Variants in GBP3 observed in about 807,000 individuals in gnomAD.
GBP3 encodes guanylate binding protein 3, also known as guanylate-binding protein 3.
In GBP3, 55 loss-of-function variants were observed where a neutral mutation model predicts 62.4. The observed-to-expected ratio is 0.88, with a 90% CI of 0.71 to 1.10. The LOEUF (loss-of-function observed/expected upper bound fraction) is 1.10, where lower values mean the gene tolerates loss of function less well. Among genes scored for constraint, GBP3 ranks in the 50% least tolerant of loss-of-function variants. GBP3 has a pLI of 0.00. For synonymous variants in GBP3, 208 were observed against 259.2 expected, an observed-to-expected ratio of 0.80 and a Z score of 1.90; for missense variants, 605 against 690.6, an observed-to-expected ratio of 0.88 and a Z score of 1.39.
At chr1:89,020,098 G>C (rs1234575938) in intron 2 of GBP3, 1 of 260,920 alleles carries the variant, frequency 3.8e-6, no homozygotes. Flanking sequence ...AATTAGCTGG[G>C]TGTGGTGGCA....
chr1:89,020,037 T>A (rs939707002), intron 2 of GBP3: 2 of 195,242 alleles, frequency 1.0e-5, no homozygotes, highest in Admixed American at 1.1e-4. Context: ...CCCAGGAGCT[T>A]GAGACCTGCA....
At chr1:89,008,797 T>A in intron 10 of GBP3, 150 bp downstream of exon 10, 1 of 1,447,648 alleles carries the variant, frequency 6.9e-7, no homozygotes, top group South Asian at 1.4e-5. Context: ...AGTGGCCATT[T>A]CAAGTCAGAC....
chr1:89,021,377 G>A (rs1679180803), intron 1 of GBP3, among the ~76,000 whole-genome samples: 1 of 152,058 alleles, frequency 6.6e-6, no homozygotes, highest in Admixed American at 6.6e-5. Flanking sequence ...GCTTTGAAGG[G>A]GCACGTGCAA....
intron 2 of GBP3, among the ~76,000 whole-genome samples, chr1:89,015,771 G>A (rs1437672631): frequency 1.4e-5 from 2 of 146,750 alleles, no homozygotes; most frequent in Non-Finnish European, 3.0e-5. Context: ...AAAAAAGAGG[G>A]ATAGAGAAAC....
At chr1:89,007,926 G>T in intron 10 of GBP3, 74 bp from the exon 11 acceptor site, 2 of 1,380,680 alleles carry the variant, frequency 1.4e-6, no homozygotes, top group Non-Finnish European at 2.0e-6. Context: ...GTTTCCACAT[G>T]CATTGATTTA....
In GBP3 at chr1:89,007,161, A is replaced by T. The variant is rs1411702365; in HGVS notation, c.*563T>A. On this transcript the variant is annotated 3_prime_UTR_variant, in exon 11 of 11. Coordinates refer to ENST00000370481, the MANE Select transcript of GBP3 (RefSeq NM_018284.3). The stretch of plus-strand genomic sequence containing the variant: ...TCATTAGCCAATTTGTTTATGATTC[A>T]ATTCCTACTCTTGCTAATGATTTCT... The T allele has an allele frequency of 6.6e-6, 1 of 152,250 alleles. No homozygotes were observed. The highest frequency in any genetic ancestry group is 1.5e-5 in the Non-Finnish European group (1 of 68,044). The allele number at this position is 152,250 out of a possible 1,614,324, so 9.4% of individuals were successfully genotyped here.
At chr1:89,008,810 A>G in intron 10 of GBP3, 137 bp downstream of exon 10, 1 of 1,479,118 alleles carries the variant, frequency 6.8e-7, no homozygotes, top group Non-Finnish European at 9.0e-7. Context: ...AGTCAGACAG[A>G]CAGAAACAAG....
rs141293173 is a variant in GBP3 at position 89,014,600 on chromosome 1, A to G, written c.375T>C (p.Thr125=). The change falls in exon 4 of 11, where the codon ACT becomes ACC. Residue 125 remains threonine, a synonymous_variant. Transcript: ENST00000370481. ...TGGTTCCCATGCTATTGTACACGAG[A>G]GTGCTGCTCAGGAGGACGGCCAGGG... The part of the protein sequence containing the change: ...IFTLAVLLSS[T]LVYNSMGTIN... 1.8e-3 allele frequency: 2,843 copies of G among 1,614,014 alleles called. 6 individuals are homozygous for G. The highest frequency in any genetic ancestry group is 2.2e-3 in the South Asian group (198 of 91,074).
rs546335133 is a variant in GBP3, at chr1:89,006,872, A to C, written c.*852T>G. 2 of 152,370 alleles carry C rather than the reference A, an allele frequency of 1.3e-5. No individual in the cohort carries two copies. Among genetic ancestry groups the C allele is most frequent in the African/African-American group, 4.8e-5 (2 of 41,602 alleles). 9.4% of individuals were successfully genotyped at this position (152,370 alleles called of 1,614,324 possible). A position where few individuals can be genotyped will look rare whatever the true frequency, so the allele number is the denominator to read the frequency against. ...ATTCCCTTTGGGGAAAATTGGCAGG[A>C]TTTCAAGTATGACCTTTAAGAATCA... is the stretch of plus-strand genomic sequence containing the variant. On this transcript the variant is annotated 3_prime_UTR_variant, in exon 11 of 11. Coordinates refer to ENST00000370481, the MANE Select transcript of GBP3 (RefSeq NM_018284.3).
chr1:89,015,627 T>C (rs758503873), intron 2 of GBP3, among the ~76,000 whole-genome samples: 1 of 148,442 alleles, frequency 6.7e-6, no homozygotes, highest in Non-Finnish European at 1.5e-5. Context: ...ATCAACAAAT[T>C]AGAAATAGAA....
Position 89,021,510 on chromosome 1 carries a change from G to GCGCGCGCACACACACA in GBP3, c.-22-768_-22-767insTGTGTGTGTGCGCGCG, listed in dbSNP as rs751639388. Reference sequence around the variant, plus strand: ...CTAAGAAACACGCATGCGCGCGCGCGCACACACACACACACACACACACAC... The same window carrying GCGCGCGCACACACACA: ...CTAAGAAACACGCATGCGCGCGCGCGCGCGCGCACACACACACACACACACACACACACACACACAC... On this transcript the variant is annotated intron_variant, in intron 1 of 10. Transcript: ENST00000370481. 1.7e-3 allele frequency among the ~76,000 whole-genome samples: 225 copies of GCGCGCGCACACACACA among 131,722 alleles called. 2 individuals are homozygous for GCGCGCGCACACACACA. The highest frequency in any genetic ancestry group is 6.3e-3 in the African/African-American group (210 of 33,276). 86.4% of individuals were successfully genotyped at this position (131,722 alleles called of 152,430 possible).
chr1:89,021,505 C>T lies in GBP3; in HGVS notation c.-22-762G>A, dbSNP rs529024806. Among the ~76,000 whole-genome samples, 10 of 90,282 alleles carry T rather than the reference C, an allele frequency of 1.1e-4. No individual in the cohort carries two copies. In the East Asian group the frequency reaches 1.7e-3, roughly 15 times the overall value. 59.2% of individuals were successfully genotyped at this position (90,282 alleles called of 152,430 possible). A position where few individuals can be genotyped will look rare whatever the true frequency, so the allele number is the denominator to read the frequency against. ...TGTTGCTAAGAAACACGCATGCGCG[C>T]GCGCGCACACACACACACACACACA... On this transcript the variant is annotated intron_variant, in intron 1 of 10. Transcript: ENST00000370481.
At chr1:89,009,925 A>G (rs554877885) in intron 8 of GBP3, among the ~76,000 whole-genome samples, 19 of 152,244 alleles carry the variant, frequency 1.2e-4, no homozygotes, top group African/African-American at 4.3e-4. Flanking sequence ...GAAATCTTGG[A>G]TCCAGATGTC....
Position 89,020,606 on chromosome 1 carries a change from A to C in GBP3, c.116T>G (p.Val39Gly). The change falls in exon 2 of 11, where the codon GTG (valine) becomes GGG (glycine). Residue 39 changes from valine (V) to glycine (G), a missense_variant. By Grantham distance (109) the Val-to-Gly change is moderately radical. Transcript: ENST00000370481. ...GTAGAGGCCCACAATTGCCACCACCACCACAGGCTGTGTAATGGCAGACAG... is the reference window on the plus strand; with the variant it reads ...GTAGAGGCCCACAATTGCCACCACCCCCACAGGCTGTGTAATGGCAGACAG... ...KILSAITQPVVVVAIVGLYRT... is the reference protein window; with the variant it reads ...KILSAITQPVGVVAIVGLYRT... The C allele has an allele frequency of 6.2e-7, 1 of 1,614,172 alleles. No homozygotes were observed. Among genetic ancestry groups the C allele is most frequent in the African/African-American group, 1.3e-5 (1 of 75,046 alleles).
Position 89,014,667 on chromosome 1 carries a change from A to G in GBP3, c.319-11T>C. The G allele has an allele frequency of 6.2e-7, 1 of 1,613,982 alleles. No individual in the cohort carries two copies. Among genetic ancestry groups the G allele is most frequent in the Non-Finnish European group, 8.5e-7 (1 of 1,179,912 alleles). ...ATTCTGGTTGTCACCCTGGAAGTCA[A>G]GACACACTGGAGTCAGGAGCAAGTT... On this transcript the variant is annotated splice_polypyrimidine_tract_variant and intron_variant, in intron 3 of 10. Transcript: ENST00000370481.
At chr1:89,021,828 A>T (rs1221993582) in intron 1 of GBP3, among the ~76,000 whole-genome samples, 23 of 148,168 alleles carry the variant, frequency 1.6e-4, no homozygotes, top group East Asian at 5.9e-4. Flanking sequence ...AGAGAGAGAG[A>T]GAGAAAGTGC....
intron 1 of GBP3, among the ~76,000 whole-genome samples, chr1:89,021,979 T>C (rs1038757957): frequency 6.6e-6 from 1 of 150,976 alleles, no homozygotes; most frequent in Non-Finnish European, 1.5e-5. Flanking sequence ...CCGGCTTTAG[T>C]AGTGATGCAT....
At chr1:89,008,357 A>T (rs1678353287) in intron 10 of GBP3, among the ~76,000 whole-genome samples, 1 of 151,112 alleles carries the variant, frequency 6.6e-6, no homozygotes, top group Non-Finnish European at 1.5e-5. Flanking sequence ...GACTTACCAT[A>T]TAGAATTTCT....
In GBP3 at chr1:89,011,068, C is replaced by T; in HGVS notation, c.1198G>A (p.Ala400Thr). The T allele has an allele frequency of 6.8e-7, 1 of 1,462,064 alleles. No individual in the cohort carries two copies. Among genetic ancestry groups the T allele is most frequent in the Non-Finnish European group, 9.5e-7 (1 of 1,055,072 alleles). 90.6% of individuals were successfully genotyped at this position (1,462,064 alleles called of 1,614,324 possible). A position where few individuals can be genotyped will look rare whatever the true frequency, so the allele number is the denominator to read the frequency against. ...AAAGCTGAGCAACGATCTGATGATGCTTCTTGATTCTGTTTACAAAAGTCA... is the reference window on the plus strand; with the variant it reads ...AAAGCTGAGCAACGATCTGATGATGTTTCTTGATTCTGTTTACAAAAGTCA... Reference protein sequence around the residue: ...RDDFCKQNQEASSDRCSALLQ... With the variant: ...RDDFCKQNQETSSDRCSALLQ... Residue 400 changes from alanine to threonine, a missense_variant, in exon 8 of 11, where the codon GCA becomes ACA. Physicochemically the swap from Ala to Thr is moderately conservative, Grantham distance 58 (BLOSUM62 0). This residue lies in a region of GBP3 where 137 missense variants were observed against 224.7 expected (regional missense o/e 0.61). Transcript: ENST00000370481.
Sources: allele counts gnomAD v4.1 joint callset (sites outside exome capture counted in the v4.1 genomes callset), GRCh38; gene constraint gnomAD v4.1.1; regional missense constraint gnomAD v4.1.1; transcripts MANE v1.5; gene names NCBI Gene and HGNC (gene_info 2026-07-23, HGNC 2026-07-21).